Variants in MTREX observed in about 807,000 individuals in gnomAD.
MTREX encodes the protein exosome RNA helicase MTR4.
A neutral mutation model predicts 135.4 loss-of-function variants in MTREX; 76 were observed. The observed-to-expected ratio is 0.56, with a 90% CI of 0.47 to 0.68. MTREX has a LOEUF of 0.68. Among genes scored for constraint, MTREX ranks in the 30% least tolerant of loss-of-function variants. MTREX has a pLI of 0.00. For missense variants in MTREX, 920 were observed against 1,262.1 expected (o/e 0.73, Z 4.11); for synonymous variants, 404 against 401.6 (o/e 1.01, Z -0.07).
At chr5:55,374,843 A>C (rs957582668) in intron 16 of MTREX, among the ~76,000 whole-genome samples, 1 of 152,354 alleles carries the variant, frequency 6.6e-6, no homozygotes. Context: ...CCTAATTATC[A>C]GGGAACCTGC....
intron 1 of MTREX, among the ~76,000 whole-genome samples, chr5:55,318,103 TA>T (rs939502160): frequency 5.9e-5 from 9 of 152,098 alleles, no homozygotes; most frequent in Non-Finnish European, 1.0e-4. Context: ...TGGCTATTAC[TA>T]AAAACTAAAA....
At chr5:55,355,534 G>A (rs1749897339) in intron 14 of MTREX, among the ~76,000 whole-genome samples, 1 of 152,126 alleles carries the variant, frequency 6.6e-6, no homozygotes, top group Admixed American at 6.5e-5. Context: ...GTGGTAGGCT[G>A]GTGGGCCAGG....
Position 55,331,409 on chromosome 5 carries a change from C to G in MTREX, c.515+2598C>G, listed in dbSNP as rs995615272. Among the ~76,000 whole-genome samples, 101 of 152,248 alleles carry G rather than the reference C, an allele frequency of 6.6e-4. 1 individual carries two copies. The highest frequency in any genetic ancestry group is 1.2e-3 in the Non-Finnish European group (81 of 68,030). ...ACTTTTTTAGGCACGACCAGAGTAG[C>G]ATTTAGTCTAGGGCTGATTTTCCCC... On this transcript the variant is annotated intron_variant, in intron 5 of 26. Coordinates refer to ENST00000230640, the MANE Select transcript of MTREX (RefSeq NM_015360.5).
chr5:55,372,249 G>A (rs966255119), intron 16 of MTREX, among the ~76,000 whole-genome samples: 36 of 151,912 alleles, frequency 2.4e-4, no homozygotes, highest in East Asian at 1.3e-3. Context: ...GTGTTGTTAC[G>A]GATGGTATTC....
intron 1 of MTREX, among the ~76,000 whole-genome samples, chr5:55,312,714 CATCT>C (rs1337616861): frequency 2.6e-5 from 4 of 152,146 alleles, no homozygotes; most frequent in Admixed American, 2.6e-4. Context: ...TTTATACCTC[CATCT>C]GTTACTGGAC....
intron 11 of MTREX, among the ~76,000 whole-genome samples, chr5:55,347,445 T>C (rs1278020395): frequency 6.6e-6 from 1 of 152,204 alleles, no homozygotes; most frequent in Non-Finnish European, 1.5e-5. Context: ...TTATTGTGGC[T>C]CTCTATTTGA....
chr5:55,404,293 T>A (rs1750767580), intron 21 of MTREX, among the ~76,000 whole-genome samples: 1 of 152,228 alleles, frequency 6.6e-6, no homozygotes, highest in African/African-American at 2.4e-5. Flanking sequence ...CTTGTCATAG[T>A]CAGAAAATAT....
At chr5:55,348,466 C>T (rs1179097809) in intron 11 of MTREX, among the ~76,000 whole-genome samples, 1 of 152,140 alleles carries the variant, frequency 6.6e-6, no homozygotes, top group Non-Finnish European at 1.5e-5. Flanking sequence ...AATACCAACC[C>T]GATTATCTTT....
chr5:55,411,687 T>C (rs1425816849), intron 23 of MTREX, among the ~76,000 whole-genome samples: 1 of 152,200 alleles, frequency 6.6e-6, no homozygotes, highest in Admixed American at 6.5e-5. Context: ...AAAAACAGTT[T>C]ATGCTTTCCT....
chr5:55,378,491 G>C lies in MTREX; in HGVS notation c.1983+5G>C, dbSNP rs752258351. On this transcript the variant is annotated splice_donor_5th_base_variant and intron_variant, in intron 17 of 26. Coordinates refer to ENST00000230640, the MANE Select transcript of MTREX (RefSeq NM_015360.5). Reference sequence around the variant, plus strand: ...CAACCAGGTCGTTTGGTAAAGGTATGTCATTGTTTCTTCATAAAATACTTG... The same window carrying C: ...CAACCAGGTCGTTTGGTAAAGGTATCTCATTGTTTCTTCATAAAATACTTG... 3.1e-6 allele frequency: 5 copies of C among 1,595,654 alleles called. No homozygotes were observed. The highest frequency in any genetic ancestry group is 4.3e-6 in the Non-Finnish European group (5 of 1,174,796).
intron 1 of MTREX, among the ~76,000 whole-genome samples, chr5:55,311,823 G>T (rs995306819): frequency 6.6e-6 from 1 of 152,132 alleles, no homozygotes; most frequent in African/African-American, 2.4e-5. Flanking sequence ...TTCAATGAAA[G>T]ATATTAAAAT....
rs1750545811 is a variant in MTREX, at chr5:55,390,264, GGCTAATTTT to G, written c.2181+2163_2181+2171del. Among the ~76,000 whole-genome samples the G allele has an allele frequency of 9.9e-5, 15 of 152,078 alleles. No individual in the cohort carries two copies. In the South Asian group the frequency reaches 2.9e-3, roughly 30 times the overall value. On this transcript the variant is annotated intron_variant, in intron 19 of 26. Coordinates refer to ENST00000230640, the MANE Select transcript of MTREX (RefSeq NM_015360.5). ...ACTACAGGTGTTCGCCGCCGTGCCCGGCTAATTTTTGTATTTTTACTAGAGACTGGGTTT... is the reference window on the plus strand; with the variant it reads ...ACTACAGGTGTTCGCCGCCGTGCCCGTGTATTTTTACTAGAGACTGGGTTT...
intron 23 of MTREX, among the ~76,000 whole-genome samples, chr5:55,412,778 T>C (rs186713645): frequency 9.1e-4 from 139 of 152,288 alleles, no homozygotes; most frequent in Non-Finnish European, 1.7e-3. Flanking sequence ...AGGAATGTGA[T>C]GAGTAGCTGT....
At chr5:55,380,431 T>C (rs1010300919) in intron 18 of MTREX, among the ~76,000 whole-genome samples, 1 of 152,136 alleles carries the variant, frequency 6.6e-6, no homozygotes, top group South Asian at 2.1e-4. Flanking sequence ...CCCCCAGAAA[T>C]AGAGAAAATT....
chr5:55,389,783 A>G (rs982512344), intron 19 of MTREX, among the ~76,000 whole-genome samples: 10 of 152,280 alleles, frequency 6.6e-5, no homozygotes, highest in East Asian at 1.9e-4. Context: ...GCATGAAACA[A>G]TGTACAGAGA....
At chr5:55,382,054 T>C (rs1200902190) in intron 18 of MTREX, among the ~76,000 whole-genome samples, 1 of 152,204 alleles carries the variant, frequency 6.6e-6, no homozygotes, top group Non-Finnish European at 1.5e-5. Context: ...TTAAAGTGTG[T>C]CTCCTGTACA....
intron 21 of MTREX, among the ~76,000 whole-genome samples, chr5:55,404,550 T>A (rs1481412537): frequency 6.6e-6 from 1 of 152,168 alleles, no homozygotes; most frequent in East Asian, 1.9e-4. Flanking sequence ...TCATTTTTCT[T>A]TCCCTGTTCT....
chr5:55,401,445 C>T (rs1750722720), intron 21 of MTREX, among the ~76,000 whole-genome samples: 1 of 152,172 alleles, frequency 6.6e-6, no homozygotes. Context: ...ATGAATAATG[C>T]TGCTGTGAAC....
At chr5:55,335,939 T>C (rs992984608) in intron 5 of MTREX, among the ~76,000 whole-genome samples, 12 of 152,162 alleles carry the variant, frequency 7.9e-5, no homozygotes, top group Admixed American at 7.9e-4. Flanking sequence ...AGCAACACTT[T>C]GCAATTTTCA....
Sources: gnomAD v4.1 joint callset for allele counts (sites outside exome capture counted in the v4.1 genomes callset) on GRCh38, gnomAD v4.1.1 for gene constraint, MANE v1.5 for transcripts, NCBI Gene and HGNC (gene_info 2026-07-23, HGNC 2026-07-21) for gene names.